Variants in HSD17B13 observed in about 807,000 individuals in gnomAD.
The protein encoded by HSD17B13 is 17-beta-hydroxysteroid dehydrogenase 13.
A neutral mutation model predicts 31.1 loss-of-function variants in HSD17B13; 26 were observed. The observed-to-expected ratio is 0.84, with a 90% CI of 0.61 to 1.16. The LOEUF (loss-of-function observed/expected upper bound fraction) is 1.16, where lower values mean the gene tolerates loss of function less well. HSD17B13 is among the 50% of genes most tolerant of loss of function. HSD17B13 has a pLI of 0.00. For missense variants in HSD17B13, 374 were observed against 366.5 expected (o/e 1.02, Z -0.17); for synonymous variants, 141 against 133.7 (o/e 1.05, Z -0.38).
Position 87,305,126 on chromosome 4 carries a change from G to T in HSD17B13, c.*92C>A. On this transcript the variant is annotated 3_prime_UTR_variant, in exon 7 of 7. Transcript: ENST00000328546. Reference sequence around the variant, plus strand: ...AAACCAATGTTTTTAATATTATCAGGACTGAAAAAATGTGAAATAAAGCTT... The same window carrying T: ...AAACCAATGTTTTTAATATTATCAGTACTGAAAAAATGTGAAATAAAGCTT... 1 of 719,318 alleles carries T rather than the reference G, an allele frequency of 1.4e-6. No individual in the cohort carries two copies. Among genetic ancestry groups the T allele is most frequent in the Non-Finnish European group, 2.1e-6 (1 of 465,830 alleles). 44.6% of individuals were successfully genotyped at this position (719,318 alleles called of 1,614,324 possible).
chr4:87,318,379 AC>A lies in HSD17B13; in HGVS notation c.267del (p.Tyr90MetfsTer3). 1 of 1,614,174 alleles carries A rather than the reference AC, an allele frequency of 6.2e-7. No homozygotes were observed. Among genetic ancestry groups the A allele is most frequent in the Non-Finnish European group, 8.5e-7 (1 of 1,180,014 alleles). ...TCTCTGTTGCTGCAGTCTACCACAT[AC>A]GCATGCGCAGTGACGCCTAGTTTTC... Reference protein sequence around the residue: ...ECRKLGVTAHAYVVDCSNREE... With the variant: ...ECRKLGVTAHXYVVDCSNREE... On this transcript the variant is annotated frameshift_variant, in exon 2 of 7. Transcript: ENST00000328546. LOFTEE classifies it high-confidence loss of function.
intron 6 of HSD17B13, among the ~76,000 whole-genome samples, chr4:87,309,596 C>G (rs2110098415): frequency 6.6e-6 from 1 of 152,210 alleles, no homozygotes; most frequent in Middle Eastern, 3.4e-3. Context: ...TCTATAGATT[C>G]AGTGCAATCC....
At chr4:87,307,947 G>T (rs943176823) in intron 6 of HSD17B13, among the ~76,000 whole-genome samples, 10 of 152,140 alleles carry the variant, frequency 6.6e-5, no homozygotes, top group African/African-American at 2.4e-4. Context: ...TTTCAAGTTT[G>T]TTCATAGTTT....
intron 6 of HSD17B13, among the ~76,000 whole-genome samples, chr4:87,309,970 G>T (rs570828828): frequency 6.6e-6 from 1 of 152,176 alleles, no homozygotes; most frequent in East Asian, 1.9e-4. Flanking sequence ...GTCCAGCCTG[G>T]CCAACATGGG....
intron 1 of HSD17B13, 32 bp downstream of exon 1, chr4:87,322,600 G>T: frequency 7.1e-7 from 1 of 1,405,782 alleles, no homozygotes; most frequent in South Asian, 1.2e-5. Context: ...CTTACTCTGT[G>T]ACTTTAAAAA....
chr4:87,322,708 C>T lies in HSD17B13; in HGVS notation c.134G>A (p.Gly45Glu). The change falls in exon 1 of 7, where the codon GGG (glycine) becomes GAG (glutamate). Residue 45 changes from glycine to glutamate, a missense_variant. Transcript: ENST00000328546. ...AGEIVLITGA[G>E]HGIGRQTTYE... ...AGTAGTCTGCCTGCCTATTCCATGC[C>T]CAGCTCCAGTAATGAGAACAATCTC... is the stretch of plus-strand genomic sequence containing the variant. The T allele has an allele frequency of 6.2e-7, 1 of 1,614,116 alleles. No homozygotes were observed. The highest frequency in any genetic ancestry group is 8.5e-7 in the Non-Finnish European group (1 of 1,180,030).
At chr4:87,318,532 G>C in intron 1 of HSD17B13, 96 bp from the exon 2 acceptor site, 1 of 938,944 alleles carries the variant, frequency 1.1e-6, no homozygotes, top group Non-Finnish European at 1.7e-6. Flanking sequence ...AGGCGCGGTG[G>C]CTCACGCCTG....
At position 87,315,481 on chromosome 4, in the gene HSD17B13, T is replaced by C; in HGVS notation, c.557+12A>G. 1 of 1,483,222 alleles carries C rather than the reference T, an allele frequency of 6.7e-7. No homozygotes were observed. The highest frequency in any genetic ancestry group is 1.4e-5 in the African/African-American group (1 of 72,288). 91.9% of individuals were successfully genotyped at this position (1,483,222 alleles called of 1,614,324 possible). ...ATAAAAATATATAACATGGCTGGCA[T>C]GTGATACTTACCAATATGGGATGAG... On this transcript the variant is annotated intron_variant, in intron 4 of 6. Coordinates refer to ENST00000328546, the MANE Select transcript of HSD17B13 (RefSeq NM_178135.5).
Position 87,315,493 on chromosome 4 carries a change from C to G in HSD17B13, c.557G>C (p.Cys186Ser). The G allele has an allele frequency of 6.3e-7, 1 of 1,575,714 alleles. No individual in the cohort carries two copies. Among genetic ancestry groups the G allele is most frequent in the Non-Finnish European group, 8.7e-7 (1 of 1,147,718 alleles). ...HEGIPYLIPY[C>S]SSKFAAVGFH... Reference sequence around the variant, plus strand: ...AACATGGCTGGCATGTGATACTTACCAATATGGGATGAGGTAAGGAATCCC... The same window carrying G: ...AACATGGCTGGCATGTGATACTTACGAATATGGGATGAGGTAAGGAATCCC... Residue 186 changes from cysteine (C) to serine (S), a missense_variant and splice_region_variant, in exon 4 of 7, where the codon TGT becomes TCT. Coordinates refer to ENST00000328546, the MANE Select transcript of HSD17B13 (RefSeq NM_178135.5).
At chr4:87,310,000 A>G (rs1359241169) in intron 6 of HSD17B13, among the ~76,000 whole-genome samples, 1 of 152,094 alleles carries the variant, frequency 6.6e-6, no homozygotes, top group African/African-American at 2.4e-5. Context: ...CTCTATCAAA[A>G]AATACAAAAA....
intron 1 of HSD17B13, among the ~76,000 whole-genome samples, chr4:87,321,154 C>T (rs1247343357): frequency 6.6e-6 from 1 of 152,098 alleles, no homozygotes; most frequent in African/African-American, 2.4e-5. Flanking sequence ...CTCAGCCTCC[C>T]GAGTAGCTGG....
rs1301583772 is a variant in HSD17B13 at position 87,313,936 on chromosome 4, G to C, written c.582C>G (p.Gly194=). The C allele has an allele frequency of 1.3e-6, 2 of 1,573,652 alleles. No individual in the cohort carries two copies. Among genetic ancestry groups the C allele is most frequent in the Non-Finnish European group, 1.7e-6 (2 of 1,162,700 alleles). Residue 194 remains glycine, a synonymous_variant, in exon 5 of 7, where the codon GGC becomes GGG. Transcript: ENST00000328546. The part of the protein sequence containing the change: ...PYCSSKFAAV[G]FHRGLTSELQ... ...GTTCTGATGTCAGACCTCTGTGAAAGCCAACAGCGGCAAATTTGCTGGAAC... is the reference window on the plus strand; with the variant it reads ...GTTCTGATGTCAGACCTCTGTGAAACCCAACAGCGGCAAATTTGCTGGAAC...
intron 6 of HSD17B13, among the ~76,000 whole-genome samples, chr4:87,309,756 T>A (rs942207019): frequency 1.3e-5 from 2 of 152,166 alleles, no homozygotes; most frequent in African/African-American, 2.4e-5. Flanking sequence ...AGAAAATGAA[T>A]CACTCTCTTT....
At chr4:87,317,486 T>C (rs1450570463) in intron 2 of HSD17B13, among the ~76,000 whole-genome samples, 1 of 151,984 alleles carries the variant, frequency 6.6e-6, no homozygotes, top group Non-Finnish European at 1.5e-5. Context: ...TTAACATTTA[T>C]GTTGATAAAT....
chr4:87,304,352 C>G lies in HSD17B13; in HGVS notation c.*866G>C, dbSNP rs1734339392. The G allele has an allele frequency of 6.5e-6, 1 of 154,710 alleles. No individual in the cohort carries two copies. The highest frequency in any genetic ancestry group is 2.1e-4 in the South Asian group (1 of 4,858). 9.6% of individuals were successfully genotyped at this position (154,710 alleles called of 1,614,324 possible). On this transcript the variant is annotated 3_prime_UTR_variant, in exon 7 of 7. Coordinates refer to ENST00000328546, the MANE Select transcript of HSD17B13 (RefSeq NM_178135.5). ...ACAAAACAAAACAAAAACCAAAAAA[C>G]CTTTCTTTCTTCCTTTTCTTCTCTT...
Position 87,315,606 on chromosome 4 carries a change from G to A in HSD17B13, c.451-7C>T, listed in dbSNP as rs759647098. 1.8e-5 allele frequency: 28 copies of A among 1,541,448 alleles called. No homozygotes were observed. In the South Asian group the frequency reaches 3.1e-4, roughly 17 times the overall value. ...GAAGAAGTGCTTTTGTGATCTTAAGGATCATTGCAGAAAGAAGAAAGACAA... is the reference window on the plus strand; with the variant it reads ...GAAGAAGTGCTTTTGTGATCTTAAGAATCATTGCAGAAAGAAGAAAGACAA... On this transcript the variant is annotated splice_region_variant and splice_polypyrimidine_tract_variant and intron_variant, in intron 3 of 6. Transcript: ENST00000328546.
Position 87,313,916 on chromosome 4 carries a change from G to T in HSD17B13, c.602C>A (p.Ser201Ter). The stretch of plus-strand genomic sequence containing the variant: ...AGTTTTTCCCAAGGCCTGAAGTTCT[G>T]ATGTCAGACCTCTGTGAAAGCCAAC... Reference protein sequence around the residue: ...AAVGFHRGLTSELQALGKTGI... With the variant: ...AAVGFHRGLT The change falls in exon 5 of 7, where the codon TCA becomes TAA. Residue 201 changes from serine to a stop codon, truncating the protein, a stop_gained. Coordinates refer to ENST00000328546, the MANE Select transcript of HSD17B13 (RefSeq NM_178135.5). LOFTEE classifies it high-confidence loss of function. 6.2e-7 allele frequency: 1 copy of T among 1,607,154 alleles called. No homozygotes were observed. The highest frequency in any genetic ancestry group is 8.5e-7 in the Non-Finnish European group (1 of 1,177,312).
rs6827608 is a variant in HSD17B13 at position 87,305,377 on chromosome 4, T to C, written c.813-69A>G. 1,499 of 1,080,986 alleles carry C rather than the reference T, an allele frequency of 1.4e-3. 20 individuals are homozygous for C. The African/African-American group carries it at 0.022, about 16-fold the overall frequency. The allele number at this position is 1,080,986 out of a possible 1,614,324, so 67.0% of individuals were successfully genotyped here. A position where few individuals can be genotyped will look rare whatever the true frequency, so the allele number is the denominator to read the frequency against. ...ATCTTTGACAACAGAGTTCTGTTTT[T>C]GGTCATTTAGAATACGCTGAGAGTT... On this transcript the variant is annotated intron_variant, in intron 6 of 6. Transcript: ENST00000328546.
intron 6 of HSD17B13, among the ~76,000 whole-genome samples, chr4:87,309,501 A>AT (rs1303171773): frequency 1.3e-5 from 2 of 152,024 alleles, no homozygotes; most frequent in African/African-American, 4.8e-5. Flanking sequence ...AGATTTAAAG[A>AT]TTTTGAAGAA....
Sources: allele counts gnomAD v4.1 joint callset (sites outside exome capture counted in the v4.1 genomes callset), GRCh38; gene constraint gnomAD v4.1.1; transcripts MANE v1.5; gene names NCBI Gene and HGNC (gene_info 2026-07-23, HGNC 2026-07-21).